ADGB: variants seen among roughly 807,000 people sequenced by gnomAD.
The protein encoded by ADGB is androglobin.
ADGB carries 172 observed loss-of-function variants against 210.5 expected under a neutral mutation model. The ratio of observed to expected loss-of-function variants is 0.82; its 90% confidence interval spans 0.72 to 0.93. ADGB has a LOEUF of 0.93. ADGB is among the 40% of genes least tolerant of loss of function. The pLI is 0.00. For synonymous variants in ADGB, 658 were observed against 662.7 expected (o/e 0.99, Z 0.11); for missense variants, 2,025 against 1,964.8 (o/e 1.03, Z -0.58).
At chr6:146,646,460 A>G (rs1373278189) in intron 3 of ADGB, among the ~76,000 whole-genome samples, 1 of 152,142 alleles carries the variant, frequency 6.6e-6, no homozygotes, top group Non-Finnish European at 1.5e-5. Flanking sequence ...ACTAAAGTCA[A>G]AAAGCAAGGT....
chr6:146,620,687 G>T (rs970290670), intron 1 of ADGB, among the ~76,000 whole-genome samples: 1 of 151,738 alleles, frequency 6.6e-6, no homozygotes, highest in Non-Finnish European at 1.5e-5. Context: ...TTTGTTTTTA[G>T]ATTGTTTTCC....
At chr6:146,605,371 A>G (rs191171911) in intron 1 of ADGB, among the ~76,000 whole-genome samples, 161 of 152,152 alleles carry the variant, frequency 1.1e-3, no homozygotes, top group Non-Finnish European at 2.0e-3. Context: ...TCCAGCCTCC[A>G]GTTGCAGTTT....
At chr6:146,708,326 C>A (rs776784113) in intron 13 of ADGB, among the ~76,000 whole-genome samples, 4 of 152,062 alleles carry the variant, frequency 2.6e-5, no homozygotes, top group African/African-American at 4.8e-5. Context: ...TTTATACTCT[C>A]ATTTTTTAAT....
rs142818094 is a variant in ADGB at position 146,779,231 on chromosome 6, G to A, written c.3863-2789G>A. Among the ~76,000 whole-genome samples, 673 of 152,286 alleles carry A rather than the reference G, an allele frequency of 4.4e-3. 6 individuals are homozygous for A. Among genetic ancestry groups the A allele is most frequent in the African/African-American group, 0.015 (621 of 41,572 alleles). On this transcript the variant is annotated intron_variant, in intron 29 of 35. Coordinates refer to ENST00000397944, the MANE Select transcript of ADGB (RefSeq NM_024694.4). ...ACTTAAAAGCTGAATCAAAACTACT[G>A]ATTGTGCAGAGCTTTCTCCACAAAA...
chr6:146,729,767 A>G (rs553339566), intron 20 of ADGB, among the ~76,000 whole-genome samples: 3 of 152,244 alleles, frequency 2.0e-5, no homozygotes, highest in African/African-American at 7.2e-5. Flanking sequence ...GTTATTACTA[A>G]TTTAATATTA....
intron 35 of ADGB, chr6:146,802,469 T>C (rs890673974): frequency 1.4e-5 from 3 of 218,092 alleles, no homozygotes; most frequent in Admixed American, 5.3e-5. Context: ...GTATAAATTA[T>C]ATTTTTATGC....
Position 146,740,540 on chromosome 6 carries a change from T to C in ADGB, c.2970T>C (p.Asp990=). The stretch of plus-strand genomic sequence containing the variant: ...AAGAAACTAAGATTGCTTTTGCAGA[T>C]TATACTGTGACTTATCAAGAACAGC... ...QDEETKIAFA[D]YTVTYQEQPP... is the part of the protein sequence containing the mutation. The change falls in exon 24 of 36, where the codon GAT becomes GAC. Residue 990 remains aspartate (D), a synonymous_variant. Coordinates refer to ENST00000397944, the MANE Select transcript of ADGB (RefSeq NM_024694.4). 2 of 1,550,906 alleles carry C rather than the reference T, an allele frequency of 1.3e-6. No individual in the cohort carries two copies. Among genetic ancestry groups the C allele is most frequent in the Non-Finnish European group, 1.7e-6 (2 of 1,146,542 alleles).
At chr6:146,631,997 G>A (rs985551527) in intron 1 of ADGB, among the ~76,000 whole-genome samples, 5 of 151,068 alleles carry the variant, frequency 3.3e-5, no homozygotes, top group African/African-American at 1.2e-4. Context: ...ACCTTCACTT[G>A]GTTTCCAAGG....
intron 27 of ADGB, 131 bp downstream of exon 27, chr6:146,752,845 T>C (rs1340991405): frequency 1.8e-5 from 14 of 771,726 alleles, no homozygotes; most frequent in Non-Finnish European, 1.3e-5. Context: ...CAGTAAAATA[T>C]TACAAGTATA....
chr6:146,654,493 C>T (rs1445244735), intron 4 of ADGB, among the ~76,000 whole-genome samples: 1 of 151,970 alleles, frequency 6.6e-6, no homozygotes, highest in Non-Finnish European at 1.5e-5. Context: ...GCTGGGACTA[C>T]AGGGATGTGC....
chr6:146,780,597 C>T (rs259407), intron 29 of ADGB, among the ~76,000 whole-genome samples: 13,957 of 151,118 alleles, frequency 0.092, 731 homozygotes, highest in African/African-American at 0.14. Context: ...TTAATAGAGA[C>T]AAAAAAAAGA....
chr6:146,717,119 T>C (rs1776747241), intron 15 of ADGB, 50 bp downstream of exon 15: 7 of 1,395,570 alleles, frequency 5.0e-6, no homozygotes, highest in Non-Finnish European at 5.9e-6. Flanking sequence ...GGTTAAACCC[T>C]GAGCTGCATT....
intron 16 of ADGB, among the ~76,000 whole-genome samples, chr6:146,717,987 G>A (rs575569804): frequency 6.4e-4 from 97 of 152,046 alleles, no homozygotes; most frequent in African/African-American, 1.8e-3. Context: ...TTTTTCCCCC[G>A]TATCATCCCT....
At chr6:146,808,988 C>T (rs1457886662) in intron 35 of ADGB, among the ~76,000 whole-genome samples, 3 of 151,544 alleles carry the variant, frequency 2.0e-5, no homozygotes, top group Admixed American at 1.3e-4. Flanking sequence ...TGGGAGCCCA[C>T]GCTATTTATT....
At chr6:146,691,654 T>C (rs1776331804) in intron 11 of ADGB, among the ~76,000 whole-genome samples, 2 of 147,844 alleles carry the variant, frequency 1.4e-5, no homozygotes, top group South Asian at 4.3e-4. Flanking sequence ...AGCCTATGTT[T>C]AATTTTATGC....
At chr6:146,764,237 C>T in intron 28 of ADGB, 137 bp downstream of exon 28, 2 of 692,502 alleles carry the variant, frequency 2.9e-6, no homozygotes, top group African/African-American at 1.8e-5. Context: ...ATAAGAGAGT[C>T]TTGAACAGTT....
intron 29 of ADGB, chr6:146,770,758 C>T (rs569224386): frequency 2.8e-6 from 1 of 355,446 alleles, no homozygotes; most frequent in South Asian, 2.0e-5. Context: ...GCCACAGAGT[C>T]GCCGCCTCTT....
At chr6:146,712,884 C>G (rs559754076) in intron 13 of ADGB, among the ~76,000 whole-genome samples, 2 of 152,282 alleles carry the variant, frequency 1.3e-5, no homozygotes, top group East Asian at 3.9e-4. Context: ...AAGTAAAACT[C>G]TATATGCATT....
intron 25 of ADGB, among the ~76,000 whole-genome samples, chr6:146,742,078 T>C (rs985637570): frequency 6.6e-6 from 1 of 152,186 alleles, no homozygotes; most frequent in African/African-American, 2.4e-5. Flanking sequence ...ACTGCTTTTG[T>C]ATAAATGAAG....
Sources: allele counts gnomAD v4.1 joint callset (sites outside exome capture counted in the v4.1 genomes callset), GRCh38; gene constraint gnomAD v4.1.1; transcripts MANE v1.5; gene names NCBI Gene and HGNC (gene_info 2026-07-23, HGNC 2026-07-21).